Variants in BFAR observed in about 807,000 individuals in gnomAD.
The protein encoded by BFAR is bifunctional apoptosis regulator.
A neutral mutation model predicts 54.4 loss-of-function variants in BFAR; 52 were observed. That is an observed-to-expected ratio of 0.96 (90% confidence interval 0.77 to 1.21). The LOEUF is 1.21. Among genes scored for constraint, BFAR ranks in the 50% most tolerant of loss-of-function variants. The pLI, the probability that BFAR is intolerant of heterozygous loss-of-function variation, is 0.00. For missense variants in BFAR, 571 were observed against 534.0 expected, an observed-to-expected ratio of 1.07 and a Z score of -0.68; for synonymous variants, 215 against 204.3, an observed-to-expected ratio of 1.05 and a Z score of -0.45.
At chr16:14,644,178 A>T (rs1029259931) in intron 1 of BFAR, 96 bp from the exon 2 acceptor site, 6 of 737,390 alleles carry the variant, frequency 8.1e-6, no homozygotes, top group Non-Finnish European at 1.3e-5. Context: ...AAAAAAAAAA[A>T]AATTAGCGCT....
chr16:14,639,813 C>T (rs1407523423), intron 1 of BFAR, among the ~76,000 whole-genome samples: 1 of 152,150 alleles, frequency 6.6e-6, no homozygotes, highest in African/African-American at 2.4e-5. Flanking sequence ...TATTGGTTTC[C>T]TGTCAGTTGT....
Position 14,669,136 on chromosome 16 carries a change from C to T in BFAR, c.*1309C>T, listed in dbSNP as rs1446389193. ...GTGACTCCATGAACCATTCATTAAC[C>T]CTTTGTATCTTTGAGTGAAAATTTT... On this transcript the variant is annotated 3_prime_UTR_variant, in exon 8 of 8. Transcript: ENST00000261658. 5.2e-6 allele frequency: 2 copies of T among 384,086 alleles called. No individual in the cohort carries two copies. The highest frequency in any genetic ancestry group is 1.1e-5 in the Non-Finnish European group (2 of 187,674). 23.8% of individuals were successfully genotyped at this position (384,086 alleles called of 1,614,324 possible). A position where few individuals can be genotyped will look rare whatever the true frequency, so the allele number is the denominator to read the frequency against.
Position 14,668,140 on chromosome 16 carries a change from A to G in BFAR, c.*313A>G. The G allele has an allele frequency of 2.7e-6, 1 of 375,116 alleles. No individual in the cohort carries two copies. The highest frequency in any genetic ancestry group is 4.9e-6 in the Non-Finnish European group (1 of 205,952). 23.2% of individuals were successfully genotyped at this position (375,116 alleles called of 1,614,324 possible). A position where few individuals can be genotyped will look rare whatever the true frequency, so the allele number is the denominator to read the frequency against. On this transcript the variant is annotated 3_prime_UTR_variant, in exon 8 of 8. Transcript: ENST00000261658. ...TGGCAAGACTCAGGGTCCTCAGTGG[A>G]CATGGTGTGGGTGACATCAGAAGGG...
rs374898607 is a variant in BFAR, at chr16:14,655,064, A to C, written c.639-2A>C. 6.2e-7 allele frequency: 1 copy of C among 1,602,542 alleles called. No homozygotes were observed. The highest frequency in any genetic ancestry group is 1.3e-5 in the African/African-American group (1 of 74,270). ...AATAAATCTCCTCCTGCCCCTCTAC[A>C]GGTTGCTTTTAACTTTGACAGAGGA... On this transcript the variant is annotated splice_acceptor_variant, in intron 4 of 7. Transcript: ENST00000261658. LOFTEE classifies it high-confidence loss of function.
rs1048195511 is a variant in BFAR, at chr16:14,653,220, A to G, written c.639-1846A>G. Among the ~76,000 whole-genome samples the G allele has an allele frequency of 5.9e-5, 9 of 152,316 alleles. No individual in the cohort carries two copies. The East Asian group carries it at 7.7e-4, about 13-fold the overall frequency. On this transcript the variant is annotated intron_variant, in intron 4 of 7. Coordinates refer to ENST00000261658, the MANE Select transcript of BFAR (RefSeq NM_016561.3). ...GACGATCAATTTACACCACTCAACC[A>G]GTAGTTGCATATGCCTGTTAATAGC...
Position 14,655,221 on chromosome 16 carries a change from T to C in BFAR, c.783+11T>C, listed in dbSNP as rs1292401988. On this transcript the variant is annotated intron_variant, in intron 5 of 7. Transcript: ENST00000261658. ...CTCTGGGAATATAAGGTGAACACTT[T>C]AATTTTTTTTTTTTTTTTTTACTTT... is the stretch of plus-strand genomic sequence containing the variant. 8.7e-6 allele frequency: 12 copies of C among 1,385,092 alleles called. No homozygotes were observed. Among genetic ancestry groups the C allele is most frequent in the East Asian group, 2.7e-5 (1 of 36,852 alleles). The allele number at this position is 1,385,092 out of a possible 1,614,324, so 85.8% of individuals were successfully genotyped here.
intron 2 of BFAR, 52 bp from the exon 3 acceptor site, chr16:14,648,336 C>A: frequency 6.8e-7 from 1 of 1,463,926 alleles, no homozygotes. Context: ...GGCCTCTAAA[C>A]ATGATATTTA....
At chr16:14,661,823 G>C (rs1960296184) in intron 5 of BFAR, 69 bp from the exon 6 acceptor site, 1 of 1,541,228 alleles carries the variant, frequency 6.5e-7, no homozygotes, top group Admixed American at 1.7e-5. Flanking sequence ...AGCGAGAGAT[G>C]GGAAGGAGCG....
intron 5 of BFAR, among the ~76,000 whole-genome samples, chr16:14,658,221 C>T (rs895031490): frequency 3.9e-5 from 6 of 152,128 alleles, no homozygotes; most frequent in Non-Finnish European, 5.9e-5. Context: ...TTTGAGGAGG[C>T]GGTGTCTGAT....
In BFAR at chr16:14,648,564, G is replaced by T. The variant is rs747180270; in HGVS notation, c.440G>T (p.Gly147Val). ...NQQMGGGFFS[G>V]VLTALTGVAV... ...CAGATGGGAGGGGGATTCTTTTCCG[G>T]TGTGCTCACAGCTTTAACTGGAGTG... The change falls in exon 3 of 8, where the codon GGT becomes GTT. Residue 147 changes from glycine to valine, a missense_variant. Coordinates refer to ENST00000261658, the MANE Select transcript of BFAR (RefSeq NM_016561.3). 6 of 1,613,848 alleles carry T rather than the reference G, an allele frequency of 3.7e-6. No individual in the cohort carries two copies. In the African/African-American group the frequency reaches 8.0e-5, roughly 22 times the overall value.
rs371975687 is a variant in BFAR at position 14,644,259 on chromosome 16, G to GT, written c.-73-5dup. 0.051 allele frequency: 53,411 copies of GT among 1,041,812 alleles called. 30 individuals are homozygous for GT. Among genetic ancestry groups the GT allele is most frequent in the South Asian group, 0.06 (3,499 of 57,870 alleles). 64.5% of individuals were successfully genotyped at this position (1,041,812 alleles called of 1,614,324 possible). A position where few individuals can be genotyped will look rare whatever the true frequency, so the allele number is the denominator to read the frequency against. On this transcript the variant is annotated splice_polypyrimidine_tract_variant and intron_variant, in intron 1 of 7. Transcript: ENST00000261658. ...TACTATTTGCCTTATTTTTGTCTCTGTTTTTTTTTTCTAGATTAATGATGT... is the reference window on the plus strand; with the variant it reads ...TACTATTTGCCTTATTTTTGTCTCTGTTTTTTTTTTTCTAGATTAATGATGT...
chr16:14,647,087 C>A (rs556864355), intron 2 of BFAR, among the ~76,000 whole-genome samples: 152 of 150,666 alleles, frequency 1.0e-3, no homozygotes, highest in African/African-American at 3.4e-3. Flanking sequence ...TCAGATTTTT[C>A]AAAATACTCT....
rs892147617 is a variant in BFAR at position 14,634,725 on chromosome 16, A to T, written c.-74+1707A>T. On this transcript the variant is annotated intron_variant, in intron 1 of 7. Transcript: ENST00000261658. ...TTCGAAGTTGACATGATTATCCTAG[A>T]CGGATCAGTGGGAAATAGGAAGTTT... 2.6e-5 allele frequency among the ~76,000 whole-genome samples: 4 copies of T among 152,256 alleles called. No individual in the cohort carries two copies. The East Asian group carries it at 7.7e-4, about 29-fold the overall frequency.
rs746120793 is a variant in BFAR, at chr16:14,662,061, T to G, written c.953T>G (p.Leu318Arg). ...DSSGEDIVTK[L>R]LDLKEPTWKQ... ...TCTGGGGAGGACATCGTCACCAAGC[T>G]TCTGGTAGGTCTGCACAGTGCCTGG... Residue 318 changes from leucine to arginine, a missense_variant, in exon 6 of 8, where the codon CTT (leucine) becomes CGT (arginine). Transcript: ENST00000261658. 3 of 1,614,044 alleles carry G rather than the reference T, an allele frequency of 1.9e-6. No individual in the cohort carries two copies. The highest frequency in any genetic ancestry group is 1.6e-4 in the Middle Eastern group (1 of 6,084).
At chr16:14,655,486 CTTTT>C (rs1194596499) in intron 5 of BFAR, among the ~76,000 whole-genome samples, 1 of 139,796 alleles carries the variant, frequency 7.2e-6, no homozygotes, top group Non-Finnish European at 1.6e-5. Context: ...TTTTTTCTTT[CTTTT>C]TTTTTTTTTT....
At chr16:14,666,876 A>G (rs955894772) in intron 7 of BFAR, among the ~76,000 whole-genome samples, 4 of 152,184 alleles carry the variant, frequency 2.6e-5, no homozygotes, top group African/African-American at 9.7e-5. Context: ...AAGACAGTCT[A>G]TAGTGTGAGG....
chr16:14,637,564 A>C (rs1055100343), intron 1 of BFAR, among the ~76,000 whole-genome samples: 1 of 152,130 alleles, frequency 6.6e-6, no homozygotes. Context: ...GCGGGGTGCA[A>C]TGGCTCACGC....
rs1370387267 is a variant in BFAR, at chr16:14,644,397, T to C, written c.51T>C (p.Asp17=). 1 of 1,613,614 alleles carries C rather than the reference T, an allele frequency of 6.2e-7. No homozygotes were observed. Among genetic ancestry groups the C allele is most frequent in the Non-Finnish European group, 8.5e-7 (1 of 1,179,764 alleles). Residue 17 remains aspartate, a synonymous_variant, in exon 2 of 8, where the codon GAT becomes GAC. Transcript: ENST00000261658. ...TGAACACAATGGACCTTGAGAGAGA[T>C]GAACCTCTCAAAAGCACCGGCCCTC... ...SYVNTMDLER[D]EPLKSTGPQI...
intron 2 of BFAR, among the ~76,000 whole-genome samples, chr16:14,645,766 A>G (rs1388859972): frequency 6.6e-6 from 1 of 152,222 alleles, no homozygotes; most frequent in African/African-American, 2.4e-5. Flanking sequence ...TTAAGCTGAC[A>G]GTTGGTCTTA....
Sources: allele counts gnomAD v4.1 joint callset (sites outside exome capture counted in the v4.1 genomes callset), GRCh38; gene constraint gnomAD v4.1.1; transcripts MANE v1.5; gene names NCBI Gene and HGNC (gene_info 2026-07-23, HGNC 2026-07-21).